Variants in NSUN4 observed in about 807,000 individuals in gnomAD.
NSUN4 encodes 5-cytosine rRNA methyltransferase NSUN4.
Under a neutral mutation model 43.8 loss-of-function variants are expected in NSUN4, and 31 were observed. The observed-to-expected ratio is 0.71, with a 90% CI of 0.53 to 0.96. The LOEUF (loss-of-function observed/expected upper bound fraction) is 0.96. NSUN4 is among the 40% of genes least tolerant of loss of function. The pLI, the probability that NSUN4 is intolerant of heterozygous loss-of-function variation, is 0.00. For missense variants in NSUN4, 439 were observed against 475.6 expected (o/e 0.92, Z 0.72); for synonymous variants, 167 against 184.1 (o/e 0.91, Z 0.75).
the NSUN4 span, among the ~76,000 whole-genome samples, chr1:46,373,259 C>A: frequency 6.6e-6 from 1 of 152,192 alleles, no homozygotes; most frequent in Non-Finnish European, 1.5e-5. Context: ...TCCTAGCCAA[C>A]CTGCTCCTCC....
At position 46,360,250 on chromosome 1, in the gene NSUN4, ATATAT is replaced by A. The variant is rs1228181370; in HGVS notation, c.754-453_754-449del. 5.8e-4 allele frequency among the ~76,000 whole-genome samples: 11 copies of A among 18,858 alleles called. 1 individual carries two copies. Among genetic ancestry groups the A allele is most frequent in the Admixed American group, 1.7e-3 (2 of 1,194 alleles). 12.4% of individuals were successfully genotyped at this position (18,858 alleles called of 152,430 possible). On this transcript the variant is annotated intron_variant, in intron 4 of 5. Transcript: ENST00000474844. ...TCTCAAAAAAAAAAAAAAAAAAAAA[ATATAT>A]ATATATATATATATATATATATGTA... is the stretch of plus-strand genomic sequence containing the variant.
intron 4 of NSUN4, among the ~76,000 whole-genome samples, chr1:46,353,400 A>G (rs1177041127): frequency 1.3e-5 from 2 of 152,170 alleles, no homozygotes; most frequent in Non-Finnish European, 2.9e-5. Context: ...AGAAGGCACA[A>G]AAGAGTATCC....
chr1:46,377,297 G>T, the NSUN4 span, among the ~76,000 whole-genome samples: 22 of 152,214 alleles, frequency 1.4e-4, no homozygotes, highest in East Asian at 3.5e-3. Flanking sequence ...TGATCCACCC[G>T]CCTTGGCCTC....
the NSUN4 span, among the ~76,000 whole-genome samples, chr1:46,380,322 T>C: frequency 6.6e-6 from 1 of 152,200 alleles, no homozygotes; most frequent in Non-Finnish European, 1.5e-5. Flanking sequence ...AGAGGGGCTG[T>C]GGGCAGGAGT....
rs1307695321 is a variant in NSUN4, at chr1:46,347,280, A to G, written c.592+205A>G. Reference sequence around the variant, plus strand: ...TGGTGAAACACCATCTCTACTAAAAATACATAAATTAGCTGGGTGTGGTGG... The same window carrying G: ...TGGTGAAACACCATCTCTACTAAAAGTACATAAATTAGCTGGGTGTGGTGG... On this transcript the variant is annotated intron_variant, in intron 3 of 5. Transcript: ENST00000474844. Among the ~76,000 whole-genome samples the G allele has an allele frequency of 1.3e-5, 2 of 152,186 alleles. No individual in the cohort carries two copies. Among genetic ancestry groups the G allele is most frequent in the Non-Finnish European group, 2.9e-5 (2 of 68,034 alleles).
chr1:46,351,928 T>C (rs1663020864), intron 3 of NSUN4, among the ~76,000 whole-genome samples: 1 of 151,274 alleles, frequency 6.6e-6, no homozygotes, highest in African/African-American at 2.4e-5. Context: ...CCTCCCAAAG[T>C]GCTGGGATTA....
At chr1:46,341,478 G>A in intron 1 of NSUN4, 2 of 1,022,802 alleles carry the variant, frequency 2.0e-6, no homozygotes, top group South Asian at 9.1e-5. Context: ...CCATACTGCC[G>A]GCCCAAACCC....
chr1:46,358,675 C>T (rs1353702189), intron 4 of NSUN4, among the ~76,000 whole-genome samples: 3 of 152,138 alleles, frequency 2.0e-5, no homozygotes, highest in Middle Eastern at 3.4e-3. Context: ...GCTGGAATTA[C>T]AGGTATGAGC....
chr1:46,341,551 T>G, intron 1 of NSUN4: 1 of 1,135,688 alleles, frequency 8.8e-7, no homozygotes, highest in Non-Finnish European at 1.1e-6. Flanking sequence ...AGAGACCCTT[T>G]TTCTTGCCTC....
intron 3 of NSUN4, among the ~76,000 whole-genome samples, chr1:46,347,595 T>C (rs4660345): frequency 0.037 from 5,574 of 152,340 alleles, 432 homozygotes; most frequent in East Asian, 0.31. Flanking sequence ...TGAAGTCAGA[T>C]TGAAGTAGGG....
chr1:46,342,603 C>G (rs1662193205), intron 1 of NSUN4: 2 of 399,626 alleles, frequency 5.0e-6, no homozygotes, highest in Non-Finnish European at 8.8e-6. Context: ...TTCTGGTCCC[C>G]CCTGTTCCCA....
chr1:46,341,158 A>C (rs1569728611), intron 1 of NSUN4: 1 of 1,293,956 alleles, frequency 7.7e-7, no homozygotes, highest in Non-Finnish European at 9.8e-7. Context: ...TTGCGTCATC[A>C]CCTTCGCCTT....
the NSUN4 span, among the ~76,000 whole-genome samples, chr1:46,379,475 C>T: frequency 2.0e-5 from 3 of 152,010 alleles, no homozygotes; most frequent in Non-Finnish European, 4.4e-5. Flanking sequence ...ATTAGCTGGG[C>T]GTGGTGGTGC....
intron 1 of NSUN4, chr1:46,341,683 C>CT: frequency 8.1e-7 from 1 of 1,228,610 alleles, no homozygotes; most frequent in Non-Finnish European, 1.0e-6. Context: ...GGGAGATGGT[C>CT]TTTTGAGTCC....
chr1:46,354,872 T>C (rs1160450148), intron 4 of NSUN4, among the ~76,000 whole-genome samples: 1 of 152,146 alleles, frequency 6.6e-6, no homozygotes, highest in South Asian at 2.1e-4. Flanking sequence ...GGTTTCACCA[T>C]GTTGGTCAGA....
At chr1:46,353,186 A>C (rs1470503741) in intron 4 of NSUN4, among the ~76,000 whole-genome samples, 158 bp downstream of exon 4, 3 of 152,332 alleles carry the variant, frequency 2.0e-5, no homozygotes, top group Non-Finnish European at 4.4e-5. Context: ...CAAAAGAAAA[A>C]TCAGCTTAGA....
intron 3 of NSUN4, among the ~76,000 whole-genome samples, chr1:46,348,494 C>T (rs1190980025): frequency 2.6e-5 from 4 of 151,954 alleles, no homozygotes; most frequent in Non-Finnish European, 1.5e-5. Context: ...GGGTGGATCA[C>T]CTGAGGTCAG....
chr1:46,346,054 G>T (rs1206007265), intron 2 of NSUN4, among the ~76,000 whole-genome samples: 1 of 151,476 alleles, frequency 6.6e-6, no homozygotes, highest in African/African-American at 2.4e-5. Flanking sequence ...GGGAGGCTGA[G>T]GCAGGAGAAT....
chr1:46,341,298 TCTC>T (rs928494661), intron 1 of NSUN4: 5 of 994,988 alleles, frequency 5.0e-6, no homozygotes, highest in East Asian at 1.1e-4. Context: ...CCACATGACT[TCTC>T]CTTTCCTCAT....
Sources: gnomAD v4.1 joint callset for allele counts (sites outside exome capture counted in the v4.1 genomes callset) on GRCh38, gnomAD v4.1.1 for gene constraint, MANE v1.5 for transcripts, NCBI Gene and HGNC (gene_info 2026-07-23, HGNC 2026-07-21) for gene names.